The following PTPRK variants were observed in gnomAD, a reference collection of about 807,000 sequenced individuals.
PTPRK encodes protein tyrosine phosphatase receptor type K.
A neutral mutation model predicts 178.0 loss-of-function variants in PTPRK; 75 were observed. The observed-to-expected ratio is 0.42, with a 90% CI of 0.35 to 0.51. The LOEUF (loss-of-function observed/expected upper bound fraction) is 0.51, where lower values mean the gene tolerates loss of function less well. Among genes scored for constraint, PTPRK ranks in the 20% least tolerant of loss-of-function variants. PTPRK has a pLI of 0.02. For missense variants in PTPRK, 1,441 were observed against 1,797.8 expected, an observed-to-expected ratio of 0.80 and a Z score of 3.59; for synonymous variants, 637 against 620.6, an observed-to-expected ratio of 1.03 and a Z score of -0.39.
chr6:128,184,037 C>G (rs954735096), intron 7 of PTPRK, among the ~76,000 whole-genome samples: 2 of 152,162 alleles, frequency 1.3e-5, no homozygotes, highest in African/African-American at 4.8e-5. Flanking sequence ...TTTACACTGA[C>G]TGTAACAAAA....
chr6:128,485,243 T>G (rs1157839903), intron 1 of PTPRK, among the ~76,000 whole-genome samples: 1 of 152,224 alleles, frequency 6.6e-6, no homozygotes. Context: ...TTAGTACACA[T>G]CACAAATTTA....
intron 3 of PTPRK, among the ~76,000 whole-genome samples, chr6:128,299,381 C>T (rs1053550017): frequency 6.6e-6 from 1 of 151,846 alleles, no homozygotes; most frequent in Non-Finnish European, 1.5e-5. Context: ...CTTTAAAGTT[C>T]ATATGGAATC....
chr6:128,264,542 G>C (rs1162158519), intron 3 of PTPRK, among the ~76,000 whole-genome samples: 1 of 151,964 alleles, frequency 6.6e-6, no homozygotes, highest in East Asian at 1.9e-4. Flanking sequence ...GAGTGCAGTG[G>C]CTATTCACAG....
intron 6 of PTPRK, among the ~76,000 whole-genome samples, chr6:128,193,103 G>A (rs754973938): frequency 2.6e-5 from 4 of 151,788 alleles, no homozygotes; most frequent in Non-Finnish European, 4.4e-5. Flanking sequence ...CCCTTAAAAA[G>A]TAAGATGTAA....
At chr6:127,977,604 A>G (rs1774757019) in intron 25 of PTPRK, among the ~76,000 whole-genome samples, 1 of 152,228 alleles carries the variant, frequency 6.6e-6, no homozygotes, top group Admixed American at 6.5e-5. Flanking sequence ...GGACACTACC[A>G]GGATATTCTG....
intron 7 of PTPRK, among the ~76,000 whole-genome samples, chr6:128,169,076 T>A (rs1242324700): frequency 6.6e-6 from 1 of 151,944 alleles, no homozygotes; most frequent in Admixed American, 6.6e-5. Flanking sequence ...ATCTGGAGAA[T>A]CGGTTACAGG....
chr6:128,135,247 G>T (rs1271437341), intron 7 of PTPRK, among the ~76,000 whole-genome samples: 1 of 152,092 alleles, frequency 6.6e-6, no homozygotes, highest in African/African-American at 2.4e-5. Context: ...AATATGTGGG[G>T]TTTCCTTTTT....
intron 5 of PTPRK, among the ~76,000 whole-genome samples, chr6:128,224,061 CT>C (rs1810867772): frequency 6.6e-6 from 1 of 152,128 alleles, no homozygotes; most frequent in African/African-American, 2.4e-5. Context: ...TCAAAAATAA[CT>C]TTTCCTTTTA....
chr6:128,447,474 GTTACATAAC>G (rs1847178154), intron 1 of PTPRK, among the ~76,000 whole-genome samples: 1 of 152,158 alleles, frequency 6.6e-6, no homozygotes, highest in Non-Finnish European at 1.5e-5. Context: ...ATTTAGAGAT[GTTACATAAC>G]TGATCTAGAG....
chr6:128,508,752 G>A (rs996462940), intron 1 of PTPRK, among the ~76,000 whole-genome samples: 2 of 151,922 alleles, frequency 1.3e-5, no homozygotes, highest in African/African-American at 2.4e-5. Flanking sequence ...AGACCAGCCT[G>A]GCCAACATGG....
chr6:128,017,831 T>TATATATATAC (rs1321916988), intron 13 of PTPRK, among the ~76,000 whole-genome samples: 1 of 137,910 alleles, frequency 7.3e-6, no homozygotes, highest in Admixed American at 7.4e-5. Context: ...TATATATATA[T>TATATATATAC]ATTTGGCAGA....
intron 1 of PTPRK, among the ~76,000 whole-genome samples, chr6:128,490,150 A>T (rs1853559066): frequency 6.6e-6 from 1 of 152,218 alleles, no homozygotes; most frequent in Admixed American, 6.5e-5. Context: ...TTCACAAAAA[A>T]AAATCTTTTC....
At chr6:127,992,280 T>A (rs1776697148) in intron 19 of PTPRK, among the ~76,000 whole-genome samples, 1 of 151,772 alleles carries the variant, frequency 6.6e-6, no homozygotes, top group Non-Finnish European at 1.5e-5. Context: ...AACAGCTCAT[T>A]ATAACAATAT....
intron 6 of PTPRK, among the ~76,000 whole-genome samples, chr6:128,200,401 A>G (rs1805692123): frequency 6.6e-6 from 1 of 152,134 alleles, no homozygotes; most frequent in Non-Finnish European, 1.5e-5. Flanking sequence ...TAAGATACAA[A>G]TTAGAGTAAA....
chr6:128,011,973 A>G lies in PTPRK; in HGVS notation c.2195-2705T>C, dbSNP rs556418432. On this transcript the variant is annotated intron_variant, in intron 13 of 29. Transcript: ENST00000368226. The stretch of plus-strand genomic sequence containing the variant: ...ACCAAGTGGTTAATAAAGAAAAAAA[A>G]GCCCATTAAGTTATTTATTTGAGTT... Among the ~76,000 whole-genome samples the G allele has an allele frequency of 6.3e-4, 95 of 151,310 alleles. 2 individuals are homozygous for G. In the South Asian group the frequency reaches 0.019, roughly 31 times the overall value.
chr6:128,435,789 A>T (rs1584712387), intron 1 of PTPRK, among the ~76,000 whole-genome samples: 1 of 152,214 alleles, frequency 6.6e-6, no homozygotes, highest in East Asian at 1.9e-4. Flanking sequence ...AAAAAATTTC[A>T]GAAAAGCCCC....
chr6:128,047,708 T>C (rs139485550), intron 13 of PTPRK, among the ~76,000 whole-genome samples: 37 of 152,318 alleles, frequency 2.4e-4, no homozygotes, highest in African/African-American at 8.2e-4. Context: ...TACCTGAACC[T>C]TTACACTACA....
chr6:128,499,679 C>T (rs1210906543), intron 1 of PTPRK, among the ~76,000 whole-genome samples: 1 of 152,130 alleles, frequency 6.6e-6, no homozygotes, highest in African/African-American at 2.4e-5. Flanking sequence ...TATTTTTGGC[C>T]AGACCCACAG....
At chr6:128,216,142 G>T (rs1809241235) in intron 6 of PTPRK, among the ~76,000 whole-genome samples, 1 of 152,146 alleles carries the variant, frequency 6.6e-6, no homozygotes, top group Admixed American at 6.6e-5. Flanking sequence ...TTTCTAAAAT[G>T]ATAGCAGATT....
Sources: allele counts gnomAD v4.1 joint callset (sites outside exome capture counted in the v4.1 genomes callset), GRCh38; gene constraint gnomAD v4.1.1; transcripts MANE v1.5; gene names NCBI Gene and HGNC (gene_info 2026-07-23, HGNC 2026-07-21).